Variants in KATNBL1 observed in about 807,000 individuals in gnomAD.
The protein encoded by KATNBL1 is KATNB1-like protein 1.
In KATNBL1, 28 loss-of-function variants were observed where a neutral mutation model predicts 44.7. The observed-to-expected ratio is 0.63, with a 90% CI of 0.46 to 0.86. KATNBL1 has a LOEUF of 0.86. Among genes scored for constraint, KATNBL1 ranks in the 40% least tolerant of loss-of-function variants. The pLI, the probability that KATNBL1 is intolerant of heterozygous loss-of-function variation, is 0.00. For missense variants in KATNBL1, 272 were observed against 350.7 expected (o/e 0.78, Z 1.79); for synonymous variants, 78 against 114.9 (o/e 0.68, Z 2.06).
rs7179455 is a variant in KATNBL1, at chr15:34,175,197, T to C, written c.-14-11507A>G. 6.6e-3 allele frequency among the ~76,000 whole-genome samples: 1,007 copies of C among 151,556 alleles called. 12 individuals carry two copies. The highest frequency in any genetic ancestry group is 0.023 in the African/African-American group (951 of 41,228). On this transcript the variant is annotated intron_variant, in intron 1 of 9. Coordinates refer to ENST00000256544, the MANE Select transcript of KATNBL1 (RefSeq NM_024713.3). ...TATGTACATACAGGTTGAGTATCCC[T>C]TACCTGAAATCATGAAATGCTTGGA...
At chr15:34,178,133 T>C (rs929338548) in intron 1 of KATNBL1, 3 of 152,216 alleles carry the variant, frequency 2.0e-5, no homozygotes, top group African/African-American at 4.8e-5. Context: ...GTAGAATACA[T>C]GCCATTCAAC....
intron 4 of KATNBL1, among the ~76,000 whole-genome samples, chr15:34,150,507 T>C (rs1253537086): frequency 3.3e-5 from 5 of 152,128 alleles, no homozygotes; most frequent in African/African-American, 9.7e-5. Flanking sequence ...GGTGGGAGGA[T>C]TGCTTGAACC....
At chr15:34,163,084 C>T (rs1888857591) in intron 2 of KATNBL1, among the ~76,000 whole-genome samples, 1 of 147,904 alleles carries the variant, frequency 6.8e-6, no homozygotes, top group Admixed American at 6.8e-5. Context: ...GCTCTTGTCA[C>T]CCAGGCTAGA....
At chr15:34,162,719 C>G (rs549974633) in intron 2 of KATNBL1, among the ~76,000 whole-genome samples, 1 of 152,244 alleles carries the variant, frequency 6.6e-6, no homozygotes, top group African/African-American at 2.4e-5. Context: ...AAGTGATCCT[C>G]CTACCTCAGC....
At chr15:34,200,980 C>G (rs899584272) in intron 1 of KATNBL1, among the ~76,000 whole-genome samples, 1 of 152,128 alleles carries the variant, frequency 6.6e-6, no homozygotes, top group Non-Finnish European at 1.5e-5. Context: ...CCACACCTGG[C>G]TAATTTTTTG....
At chr15:34,178,943 T>A (rs1889427980) in intron 1 of KATNBL1, among the ~76,000 whole-genome samples, 1 of 152,092 alleles carries the variant, frequency 6.6e-6, no homozygotes, top group African/African-American at 2.4e-5. Context: ...TGTAGTTATG[T>A]TTCAAAATGC....
intron 1 of KATNBL1, among the ~76,000 whole-genome samples, chr15:34,172,766 C>T (rs772025423): frequency 5.7e-5 from 6 of 104,880 alleles, no homozygotes; most frequent in African/African-American, 3.1e-4. Flanking sequence ...CACAGACACA[C>T]ACACACACAC....
intron 1 of KATNBL1, among the ~76,000 whole-genome samples, chr15:34,173,773 A>C (rs1192151416): frequency 2.6e-5 from 4 of 152,178 alleles, no homozygotes; most frequent in African/African-American, 9.6e-5. Context: ...CAACTGGGGA[A>C]TAGTTAGAAG....
In KATNBL1 at chr15:34,193,851, C is replaced by CAAAA. The variant is rs58951561; in HGVS notation, c.-15+16096_-15+16099dup. Among the ~76,000 whole-genome samples, 64 of 63,562 alleles carry CAAAA rather than the reference C, an allele frequency of 1.0e-3. 6 individuals carry two copies. The highest frequency in any genetic ancestry group is 1.8e-3 in the African/African-American group (29 of 16,180). The allele number at this position is 63,562 out of a possible 152,430, so 41.7% of individuals were successfully genotyped here. ...TGGGTGACAGAGAAAGGCCCTGTCTCAAAAAAAAAAAAAAAAAAAAAAAAA... is the reference window on the plus strand; with the variant it reads ...TGGGTGACAGAGAAAGGCCCTGTCTCAAAAAAAAAAAAAAAAAAAAAAAAAAAAA... On this transcript the variant is annotated intron_variant, in intron 1 of 9. Transcript: ENST00000256544.
intron 1 of KATNBL1, among the ~76,000 whole-genome samples, chr15:34,192,671 A>G (rs1162688651): frequency 6.6e-6 from 1 of 152,194 alleles, no homozygotes; most frequent in Admixed American, 6.5e-5. Context: ...ACGTGTGTAG[A>G]AAGACTACGT....
At chr15:34,144,037 A>G (rs898018975) in intron 9 of KATNBL1, among the ~76,000 whole-genome samples, 1 of 148,358 alleles carries the variant, frequency 6.7e-6, no homozygotes, top group Admixed American at 6.7e-5. Context: ...CTTGGTTGAT[A>G]TATCATTTTG....
intron 1 of KATNBL1, among the ~76,000 whole-genome samples, chr15:34,203,105 T>C (rs1890211652): frequency 1.3e-5 from 2 of 152,258 alleles, no homozygotes; most frequent in East Asian, 3.8e-4. Flanking sequence ...TAGTCATCTA[T>C]TCTTGAACTT....
intron 2 of KATNBL1, among the ~76,000 whole-genome samples, chr15:34,158,496 A>G (rs1321960740): frequency 6.6e-6 from 1 of 152,160 alleles, no homozygotes; most frequent in Non-Finnish European, 1.5e-5. Context: ...TTCAAAAGAG[A>G]TATCTCTTTG....
intron 2 of KATNBL1, among the ~76,000 whole-genome samples, chr15:34,161,190 T>C (rs965964697): frequency 1.5e-4 from 23 of 152,354 alleles, no homozygotes; most frequent in Middle Eastern, 3.4e-3. Flanking sequence ...AGGAAATACT[T>C]TGTCACTCTT....
intron 9 of KATNBL1, among the ~76,000 whole-genome samples, chr15:34,143,249 T>A (rs1288006847): frequency 8.7e-6 from 1 of 115,386 alleles, no homozygotes; most frequent in Non-Finnish European, 1.8e-5. Context: ...GGGAGGTGGG[T>A]GGGTCACTTG....
chr15:34,206,608 T>C (rs968612987), intron 1 of KATNBL1, among the ~76,000 whole-genome samples: 4 of 152,114 alleles, frequency 2.6e-5, no homozygotes, highest in African/African-American at 9.7e-5. Context: ...CTGGCCGACA[T>C]GGCGAAACCC....
At chr15:34,144,279 A>G (rs1368318459) in intron 9 of KATNBL1, among the ~76,000 whole-genome samples, 3 of 151,932 alleles carry the variant, frequency 2.0e-5, no homozygotes, top group African/African-American at 7.3e-5. Flanking sequence ...AAGCCAGATT[A>G]TCCCTCAAGG....
chr15:34,176,914 A>T (rs1209167196), intron 1 of KATNBL1, among the ~76,000 whole-genome samples: 1 of 152,196 alleles, frequency 6.6e-6, no homozygotes, highest in Non-Finnish European at 1.5e-5. Context: ...TGACAATGTA[A>T]CTAAAACTAC....
chr15:34,193,449 G>A lies in KATNBL1; in HGVS notation c.-15+16502C>T, dbSNP rs192555490. On this transcript the variant is annotated intron_variant, in intron 1 of 9. Transcript: ENST00000256544. ...TTCAGGAGGCTGAGACACAAGAATC[G>A]CCTGAACCTGGGATGCGGAGGTTGC... is the stretch of plus-strand genomic sequence containing the variant. Among the ~76,000 whole-genome samples the A allele has an allele frequency of 5.9e-4, 90 of 151,672 alleles. 1 individual carries two copies. The East Asian group carries it at 0.014, about 24-fold the overall frequency.
Sources: allele counts gnomAD v4.1 joint callset (sites outside exome capture counted in the v4.1 genomes callset), GRCh38; gene constraint gnomAD v4.1.1; transcripts MANE v1.5; gene names NCBI Gene and HGNC (gene_info 2026-07-23, HGNC 2026-07-21).